Variants in FHOD3 observed in about 807,000 individuals in gnomAD.
The protein encoded by FHOD3 is formin homology 2 domain containing 3.
Under a neutral mutation model 173.0 loss-of-function variants are expected in FHOD3, and 90 were observed. The observed-to-expected ratio is 0.52, with a 90% CI of 0.44 to 0.62. The LOEUF (loss-of-function observed/expected upper bound fraction) is 0.62, where lower values mean the gene tolerates loss of function less well. FHOD3 is among the 20% of genes least tolerant of loss of function. The probability of loss-of-function intolerance (pLI) is 0.00; values close to 1 mark genes in which losing one functional copy is unlikely to be tolerated. For missense variants in FHOD3, 1,945 were observed against 2,034.7 expected (o/e 0.96, Z 0.85); for synonymous variants, 828 against 823.0 (o/e 1.01, Z -0.10).
chr18:36,427,134 T>C (rs2050288466), intron 3 of FHOD3, among the ~76,000 whole-genome samples: 1 of 152,116 alleles, frequency 6.6e-6, no homozygotes, highest in Admixed American at 6.6e-5. Context: ...AATGGAGATC[T>C]TATATTTAAA....
In FHOD3 at chr18:36,297,735, G is replaced by A; in HGVS notation, c.-101G>A. 1.1e-6 allele frequency: 1 copy of A among 944,800 alleles called. No individual in the cohort carries two copies. Among genetic ancestry groups the A allele is most frequent in the Non-Finnish European group, 1.4e-6 (1 of 739,298 alleles). 58.5% of individuals were successfully genotyped at this position (944,800 alleles called of 1,614,324 possible). On this transcript the variant is annotated 5_prime_UTR_variant, in exon 1 of 29. Coordinates refer to ENST00000590592, the MANE Select transcript of FHOD3 (RefSeq NM_001281740.3). ...CCTGAGCCTGCGAGTCCGCGAGCCA[G>A]CGAGCTGCGGCTGCGGCCTCCCCTG...
intron 1 of FHOD3, among the ~76,000 whole-genome samples, chr18:36,349,968 G>C (rs1160619874): frequency 6.6e-6 from 1 of 152,084 alleles, no homozygotes; most frequent in African/African-American, 2.4e-5. Context: ...GGTGGAGATG[G>C]GGTTTCACCA....
chr18:36,518,277 C>T (rs1194458757), intron 5 of FHOD3, among the ~76,000 whole-genome samples: 1 of 152,188 alleles, frequency 6.6e-6, no homozygotes, highest in Non-Finnish European at 1.5e-5. Context: ...TCTCTGCAAC[C>T]TCATGACACT....
chr18:36,742,293 G>A (rs1387857995), intron 21 of FHOD3, among the ~76,000 whole-genome samples: 1 of 152,170 alleles, frequency 6.6e-6, no homozygotes, highest in Non-Finnish European at 1.5e-5. Flanking sequence ...GTGGCTAGCC[G>A]TGGAGTGCCT....
At chr18:36,769,462 T>TTTAATGGG in intron 28 of FHOD3, 36 bp downstream of exon 28, 1 of 1,601,012 alleles carries the variant, frequency 6.2e-7, no homozygotes, top group Non-Finnish European at 8.5e-7. Flanking sequence ...CCTTCACCCC[T>TTTAATGGG]ACAGGGATCT....
chr18:36,364,662 G>A (rs1355341843), intron 2 of FHOD3, among the ~76,000 whole-genome samples: 1 of 152,216 alleles, frequency 6.6e-6, no homozygotes, highest in Admixed American at 6.5e-5. Flanking sequence ...GTGCCACATT[G>A]TAGAGTGCCA....
intron 10 of FHOD3, among the ~76,000 whole-genome samples, chr18:36,641,691 C>G (rs2035317141): frequency 6.6e-6 from 1 of 152,088 alleles, no homozygotes; most frequent in Non-Finnish European, 1.5e-5. Context: ...CACGGTGGCT[C>G]ATGTCTATAA....
intron 10 of FHOD3, among the ~76,000 whole-genome samples, chr18:36,643,206 CT>C (rs2035456653): frequency 6.6e-6 from 1 of 152,096 alleles, no homozygotes; most frequent in Non-Finnish European, 1.5e-5. Flanking sequence ...CATTATTGGA[CT>C]CTCATCCTAG....
At chr18:36,369,440 A>AAAAC (rs2047055057) in intron 2 of FHOD3, among the ~76,000 whole-genome samples, 1 of 94,172 alleles carries the variant, frequency 1.1e-5, no homozygotes, top group Non-Finnish European at 2.1e-5. Context: ...ATTTTATTTA[A>AAAAC]ACACACACAC....
chr18:36,582,100 A>T (rs2058873595), intron 6 of FHOD3, among the ~76,000 whole-genome samples: 1 of 152,196 alleles, frequency 6.6e-6, no homozygotes, highest in African/African-American at 2.4e-5. Context: ...AGAGTTGGAC[A>T]TTGGGGTTTG....
intron 7 of FHOD3, among the ~76,000 whole-genome samples, chr18:36,600,114 C>T (rs1344660180): frequency 6.6e-6 from 1 of 152,104 alleles, no homozygotes; most frequent in East Asian, 1.9e-4. Flanking sequence ...GTACAGTCAT[C>T]CCAGAGGCCT....
chr18:36,418,869 G>T (rs769517278), intron 3 of FHOD3, among the ~76,000 whole-genome samples: 19 of 152,078 alleles, frequency 1.2e-4, no homozygotes, highest in South Asian at 2.1e-4. Context: ...AGCCGAGATC[G>T]CGCCATTGCA....
chr18:36,681,517 G>C lies in FHOD3; in HGVS notation c.1917G>C (p.Gln639His), dbSNP rs769238069. 1.1e-5 allele frequency: 17 copies of C among 1,613,836 alleles called. No homozygotes were observed. The highest frequency in any genetic ancestry group is 1.3e-5 in the Non-Finnish European group (15 of 1,179,958). ...SLAAERERRR[Q>H]EREERLQRIE... ...CAGCAGAGAGAGAGAGGCGGCGGCAGGAGAGAGAAGAAAGGTTGCAGAGAA... is the reference window on the plus strand; with the variant it reads ...CAGCAGAGAGAGAGAGGCGGCGGCACGAGAGAGAAGAAAGGTTGCAGAGAA... The change falls in exon 15 of 29, where the codon CAG becomes CAC. Residue 639 changes from glutamine to histidine, a missense_variant. By Grantham distance (24) the Gln-to-His change is conservative. Transcript: ENST00000590592.
chr18:36,779,325 C>G, intron 28 of FHOD3, 123 bp from the exon 29 acceptor site: 2 of 822,704 alleles, frequency 2.4e-6, no homozygotes, highest in South Asian at 3.1e-5. Context: ...AGTGTGAACC[C>G]TCTGGCTTCT....
chr18:36,759,089 G>A (rs551133391), intron 25 of FHOD3, 29 bp from the exon 26 acceptor site: 39 of 1,529,624 alleles, frequency 2.5e-5, no homozygotes, highest in African/African-American at 7.2e-5. Flanking sequence ...TGTCTTTTCC[G>A]TCCTGTCCTG....
chr18:36,487,421 G>T (rs796074516), intron 3 of FHOD3, among the ~76,000 whole-genome samples: 34 of 152,296 alleles, frequency 2.2e-4, no homozygotes, highest in African/African-American at 7.9e-4. Flanking sequence ...CTGAGCTGTG[G>T]TCACCCTGCT....
At position 36,403,997 on chromosome 18, in the gene FHOD3, C is replaced by T. The variant is rs1031796490; in HGVS notation, c.337+31253C>T. Among the ~76,000 whole-genome samples the T allele has an allele frequency of 1.1e-4, 17 of 152,324 alleles. No homozygotes were observed. In the Middle Eastern group the frequency reaches 0.01, roughly 91 times the overall value. On this transcript the variant is annotated intron_variant, in intron 3 of 28. Coordinates refer to ENST00000590592, the MANE Select transcript of FHOD3 (RefSeq NM_001281740.3). ...CTTTCCTTGTGGGATCATATTTCTA[C>T]CTTATTAGCAGGGAGGTTTTGATAT...
chr18:36,309,262 G>C (rs975830866), intron 1 of FHOD3, among the ~76,000 whole-genome samples: 14 of 152,102 alleles, frequency 9.2e-5, no homozygotes, highest in Non-Finnish European at 2.1e-4. Flanking sequence ...ATGCTGAGCC[G>C]AGGGGAAGAG....
intron 27 of FHOD3, among the ~76,000 whole-genome samples, chr18:36,762,992 C>T (rs546588913): frequency 4.9e-5 from 7 of 144,238 alleles, no homozygotes; most frequent in Non-Finnish European, 7.5e-5. Flanking sequence ...GTTATATATG[C>T]GTATTATATA....
Sources: allele counts gnomAD v4.1 joint callset (sites outside exome capture counted in the v4.1 genomes callset), GRCh38; gene constraint gnomAD v4.1.1; transcripts MANE v1.5; gene names NCBI Gene and HGNC (gene_info 2026-07-23, HGNC 2026-07-21).